HS3ST3B1: variants seen among roughly 807,000 people sequenced by gnomAD.
The protein encoded by HS3ST3B1 is heparan sulfate glucosamine 3-O-sulfotransferase 3B1.
HS3ST3B1 carries 13 observed loss-of-function variants against 21.3 expected under a neutral mutation model. The ratio of observed to expected loss-of-function variants is 0.61; its 90% CI spans 0.40 to 0.97. The LOEUF (loss-of-function observed/expected upper bound fraction) is 0.97, where lower values mean the gene tolerates loss of function less well. Ranked by LOEUF, HS3ST3B1 falls within the 50% of genes least tolerant of loss-of-function variation. The pLI, the probability that HS3ST3B1 is intolerant of heterozygous loss-of-function variation, is 0.00. For synonymous variants in HS3ST3B1, 234 were observed against 254.8 expected (o/e 0.92, Z 0.78); for missense variants, 459 against 554.8 (o/e 0.83, Z 1.73).
intron 1 of HS3ST3B1, among the ~76,000 whole-genome samples, chr17:14,313,124 G>GTGTGTGTATATATATATATA (rs1909380909): frequency 6.2e-5 from 8 of 128,828 alleles, no homozygotes; most frequent in East Asian, 5.1e-4. Context: ...ATATATATAT[G>GTGTGTGTATATATATATATA]TGTGTGTGTG....
Position 14,310,963 on chromosome 17 carries a change from A to G in HS3ST3B1, c.554+8891A>G, listed in dbSNP as rs146820482. ...AAGGCAGTGAAGTGATCATTACCTT[A>G]TCACTGATTTAAAATACTTATTAAT... On this transcript the variant is annotated intron_variant, in intron 1 of 1. Transcript: ENST00000360954. 4.3e-4 allele frequency among the ~76,000 whole-genome samples: 65 copies of G among 152,360 alleles called. 1 individual carries two copies. In the Middle Eastern group the frequency reaches 0.017, roughly 40 times the overall value.
Position 14,345,819 on chromosome 17 carries a change from A to G in HS3ST3B1, c.*173A>G. ...AGAGTTAGCTTCATAATCTGTTAAC[A>G]TTCCAAAGTGTTTAACTCTAGTATT... is the stretch of plus-strand genomic sequence containing the variant. On this transcript the variant is annotated 3_prime_UTR_variant, in exon 2 of 2. Transcript: ENST00000360954. The G allele has an allele frequency of 1.2e-6, 1 of 845,576 alleles. No homozygotes were observed. Among genetic ancestry groups the G allele is most frequent in the Non-Finnish European group, 1.7e-6 (1 of 573,980 alleles). 52.4% of individuals were successfully genotyped at this position (845,576 alleles called of 1,614,324 possible). A position where few individuals can be genotyped will look rare whatever the true frequency, so the allele number is the denominator to read the frequency against.
Position 14,337,828 on chromosome 17 carries a change from T to C in HS3ST3B1, c.555-7200T>C, listed in dbSNP as rs564227628. On this transcript the variant is annotated intron_variant, in intron 1 of 1. Coordinates refer to ENST00000360954, the MANE Select transcript of HS3ST3B1 (RefSeq NM_006041.3). The stretch of plus-strand genomic sequence containing the variant: ...TCTGCTGACAATGTTGTCTTCTCAT[T>C]TTTTCCCCCCACGAAGGTGGACCTC... 1.6e-4 allele frequency among the ~76,000 whole-genome samples: 25 copies of C among 151,720 alleles called. 1 individual carries two copies. The South Asian group carries it at 4.6e-3, about 28-fold the overall frequency.
intron 1 of HS3ST3B1, among the ~76,000 whole-genome samples, chr17:14,313,215 G>T (rs9890474): frequency 0.054 from 8,081 of 150,998 alleles, 493 homozygotes; most frequent in African/African-American, 0.14. Flanking sequence ...TGATCCACCC[G>T]CCTTGGCCTC....
intron 1 of HS3ST3B1, among the ~76,000 whole-genome samples, chr17:14,330,557 G>A (rs868564130): frequency 1.4e-5 from 2 of 145,418 alleles, no homozygotes; most frequent in African/African-American, 5.6e-5. Flanking sequence ...CCCGGTGTGT[G>A]TGTGTGTGTG....
intron 1 of HS3ST3B1, among the ~76,000 whole-genome samples, chr17:14,313,510 T>C (rs1909398487): frequency 1.3e-5 from 2 of 152,134 alleles, no homozygotes. Context: ...TGAACACCAC[T>C]CTCTTAACCA....
At chr17:14,330,160 T>G (rs1909962718) in intron 1 of HS3ST3B1, among the ~76,000 whole-genome samples, 1 of 152,246 alleles carries the variant, frequency 6.6e-6, no homozygotes, top group South Asian at 2.1e-4. Flanking sequence ...GAGCATCATC[T>G]GATGACACCT....
At chr17:14,341,125 G>C (rs61202270) in intron 1 of HS3ST3B1, among the ~76,000 whole-genome samples, 14,895 of 152,136 alleles carry the variant, frequency 0.098, 1,166 homozygotes, top group African/African-American at 0.21. Context: ...ATTTATGGTT[G>C]ATCTCTCATT....
Position 14,344,074 on chromosome 17 carries a change from G to A in HS3ST3B1, c.555-954G>A, listed in dbSNP as rs547234813. 2.6e-5 allele frequency among the ~76,000 whole-genome samples: 4 copies of A among 151,906 alleles called. No individual in the cohort carries two copies. In the South Asian group the frequency reaches 8.3e-4, roughly 32 times the overall value. ...ACCACACCCAGTTAATTGTTTTTTA[G>A]CTTTTAGTAGAGACGGGGTTTTGCC... On this transcript the variant is annotated intron_variant, in intron 1 of 1. Coordinates refer to ENST00000360954, the MANE Select transcript of HS3ST3B1 (RefSeq NM_006041.3).
intron 1 of HS3ST3B1, among the ~76,000 whole-genome samples, chr17:14,326,593 T>A (rs1909823872): frequency 6.6e-6 from 1 of 152,132 alleles, no homozygotes; most frequent in Non-Finnish European, 1.5e-5. Flanking sequence ...AATAGGAGCA[T>A]CTTTTGTTCC....
intron 1 of HS3ST3B1, among the ~76,000 whole-genome samples, chr17:14,339,924 G>C (rs554881176): frequency 6.6e-6 from 1 of 152,192 alleles, no homozygotes; most frequent in African/African-American, 2.4e-5. Context: ...GGGCAGGAAA[G>C]TGTGCCCAGA....
intron 1 of HS3ST3B1, chr17:14,304,159 T>A (rs1032365393): frequency 6.6e-6 from 1 of 152,196 alleles, no homozygotes; most frequent in Admixed American, 6.5e-5. Flanking sequence ...GCATGGCGGC[T>A]GGACCCGGGC....
In HS3ST3B1 at chr17:14,348,768, A is replaced by G. The variant is rs1910646091; in HGVS notation, c.*3122A>G. ...AAACAAACAAAAAGGTCAACAAAAA[A>G]AAATTGAGGTTTTTCTTGTTTCTAT... On this transcript the variant is annotated 3_prime_UTR_variant, in exon 2 of 2. Transcript: ENST00000360954. The G allele has an allele frequency of 6.6e-6, 1 of 152,220 alleles. No individual in the cohort carries two copies. Among genetic ancestry groups the G allele is most frequent in the African/African-American group, 2.4e-5 (1 of 41,456 alleles). 9.4% of individuals were successfully genotyped at this position (152,220 alleles called of 1,614,324 possible). A position where few individuals can be genotyped will look rare whatever the true frequency, so the allele number is the denominator to read the frequency against.
At position 14,312,987 on chromosome 17, in the gene HS3ST3B1, C is replaced by A. The variant is rs184120297; in HGVS notation, c.554+10915C>A. Among the ~76,000 whole-genome samples the A allele has an allele frequency of 1.3e-3, 193 of 150,304 alleles. 1 individual carries two copies. The highest frequency in any genetic ancestry group is 4.4e-3 in the African/African-American group (180 of 40,622). On this transcript the variant is annotated intron_variant, in intron 1 of 1. Coordinates refer to ENST00000360954, the MANE Select transcript of HS3ST3B1 (RefSeq NM_006041.3). ...TGGAATGATCTCGGCTCACTGCAAC[C>A]TCTGCCACCTGGGTTCAAGCAATTC...
chr17:14,318,601 C>T (rs1909569528), intron 1 of HS3ST3B1, among the ~76,000 whole-genome samples: 1 of 152,158 alleles, frequency 6.6e-6, no homozygotes, highest in Non-Finnish European at 1.5e-5. Context: ...AATTGGGTTG[C>T]CCTGATCAGA....
rs980677334 is a variant in HS3ST3B1, at chr17:14,311,898, A to T, written c.554+9826A>T. Among the ~76,000 whole-genome samples, 3 of 152,286 alleles carry T rather than the reference A, an allele frequency of 2.0e-5. 1 individual carries two copies. In the Middle Eastern group the frequency reaches 0.01, roughly 518 times the overall value. On this transcript the variant is annotated intron_variant, in intron 1 of 1. Transcript: ENST00000360954. ...CTCGAGGAGATCTGTAGGCAATTTAAGCCTGATGTTTTTACTTTTATTTTT... is the reference window on the plus strand; with the variant it reads ...CTCGAGGAGATCTGTAGGCAATTTATGCCTGATGTTTTTACTTTTATTTTT...
Position 14,347,730 on chromosome 17 carries a change from A to G in HS3ST3B1, c.*2084A>G, listed in dbSNP as rs1214150820. The G allele has an allele frequency of 6.6e-6, 1 of 152,186 alleles. No individual in the cohort carries two copies. Among genetic ancestry groups the G allele is most frequent in the Non-Finnish European group, 1.5e-5 (1 of 68,034 alleles). The allele number at this position is 152,186 out of a possible 1,614,324, so 9.4% of individuals were successfully genotyped here. ...GCTTACACTTAGCAGCCAAACCATC[A>G]TTGTGTAGGTTCTGTTTTGGAGGAA... On this transcript the variant is annotated 3_prime_UTR_variant, in exon 2 of 2. Transcript: ENST00000360954.
chr17:14,342,981 C>T (rs536748295), intron 1 of HS3ST3B1, among the ~76,000 whole-genome samples: 1 of 152,304 alleles, frequency 6.6e-6, no homozygotes, highest in African/African-American at 2.4e-5. Context: ...CAGTGGCTCA[C>T]GCCTGTAATC....
At chr17:14,314,813 G>A (rs78661321) in intron 1 of HS3ST3B1, among the ~76,000 whole-genome samples, 3,302 of 152,172 alleles carry the variant, frequency 0.022, 128 homozygotes, top group African/African-American at 0.071. Flanking sequence ...TACCAGAGTG[G>A]GGAGCTTCAA....
Sources: allele counts gnomAD v4.1 joint callset (sites outside exome capture counted in the v4.1 genomes callset), GRCh38; gene constraint gnomAD v4.1.1; transcripts MANE v1.5; gene names NCBI Gene and HGNC (gene_info 2026-07-23, HGNC 2026-07-21).